The following LRIF1 variants were observed in gnomAD, a reference collection of about 807,000 sequenced individuals.
LRIF1 encodes the protein ligand dependent nuclear receptor interacting factor 1.
A neutral mutation model predicts 52.7 loss-of-function variants in LRIF1; 32 were observed. The observed-to-expected ratio is 0.61, with a 90% CI of 0.46 to 0.82. The LOEUF is 0.82. LRIF1 is among the 40% of genes least tolerant of loss of function. The probability of loss-of-function intolerance (pLI) is 0.00; values close to 1 mark genes in which losing one functional copy is unlikely to be tolerated. For missense variants in LRIF1, 887 were observed against 892.0 expected (o/e 0.99, Z 0.07); for synonymous variants, 323 against 317.4 (o/e 1.02, Z -0.19).
chr1:110,955,930 C>T (rs915460994), intron 1 of LRIF1, among the ~76,000 whole-genome samples: 3 of 152,180 alleles, frequency 2.0e-5, no homozygotes, highest in Non-Finnish European at 1.5e-5. Flanking sequence ...ACCAGAGAGA[C>T]AGGTGGAGGG....
chr1:110,938,200 C>T, the LRIF1 span: 1 of 152,168 alleles, frequency 6.6e-6, no homozygotes, highest in Non-Finnish European at 1.5e-5. Context: ...TACTTCCAAA[C>T]TCATTCTATG....
the LRIF1 span, among the ~76,000 whole-genome samples, chr1:110,885,177 T>A: frequency 1.8e-4 from 28 of 152,328 alleles, no homozygotes; most frequent in African/African-American, 5.3e-4. Flanking sequence ...ACACTATTAT[T>A]ATCATAAAGT....
chr1:110,940,090 A>C, the LRIF1 span: 1 of 152,226 alleles, frequency 6.6e-6, no homozygotes, highest in Non-Finnish European at 1.5e-5. Flanking sequence ...TACCCATCTG[A>C]CAAGGGATTA....
At chr1:110,957,099 T>C (rs1658730147) in intron 1 of LRIF1, among the ~76,000 whole-genome samples, 1 of 152,022 alleles carries the variant, frequency 6.6e-6, no homozygotes, top group Admixed American at 6.6e-5. Context: ...ATTCTAAGCA[T>C]TCTCCTTTAA....
chr1:110,895,022 C>T, the LRIF1 span: 2 of 1,613,912 alleles, frequency 1.2e-6, no homozygotes, highest in Non-Finnish European at 1.7e-6. Flanking sequence ...CAGACAATAG[C>T]ACCAAGGCAG....
downstream of LRIF1, among the ~76,000 whole-genome samples, chr1:110,942,695 A>G (rs990846252): frequency 9.2e-5 from 14 of 152,114 alleles, no homozygotes; most frequent in Admixed American, 7.9e-4. Context: ...GTGGACTCCA[A>G]AGGATTTCCA....
chr1:110,945,362 TTAATA>T (rs1658180836), downstream of LRIF1, among the ~76,000 whole-genome samples: 1 of 152,116 alleles, frequency 6.6e-6, no homozygotes, highest in Admixed American at 6.6e-5. Flanking sequence ...TTTTCAATTT[TTAATA>T]TTTCACTTGC....
chr1:110,947,769 A>G lies in LRIF1; in HGVS notation c.*190T>C. ...AGGTATCTAAGACAAAGGTATAGAT[A>G]CCCCATGTAAATTATTCACAAGTCA... On this transcript the variant is annotated 3_prime_UTR_variant, in exon 4 of 4. Coordinates refer to ENST00000369763, the MANE Select transcript of LRIF1 (RefSeq NM_018372.4). 1 of 603,378 alleles carries G rather than the reference A, an allele frequency of 1.7e-6. No individual in the cohort carries two copies. Among genetic ancestry groups the G allele is most frequent in the Non-Finnish European group, 2.6e-6 (1 of 388,950 alleles). 37.4% of individuals were successfully genotyped at this position (603,378 alleles called of 1,614,324 possible). A position where few individuals can be genotyped will look rare whatever the true frequency, so the allele number is the denominator to read the frequency against.
At chr1:110,910,428 G>A in the LRIF1 span, among the ~76,000 whole-genome samples, 24 of 151,922 alleles carry the variant, frequency 1.6e-4, no homozygotes, top group Non-Finnish European at 2.9e-4. Flanking sequence ...GTGAAACCCC[G>A]TCTCTACTAA....
the LRIF1 span, among the ~76,000 whole-genome samples, chr1:110,890,751 T>C: frequency 3.9e-5 from 6 of 152,232 alleles, no homozygotes; most frequent in Non-Finnish European, 1.5e-5. Flanking sequence ...TACTTCCCCA[T>C]TGCATATTTG....
chr1:110,942,878 G>C (rs1257918781), downstream of LRIF1, among the ~76,000 whole-genome samples: 1 of 152,034 alleles, frequency 6.6e-6, no homozygotes, highest in Non-Finnish European at 1.5e-5. Context: ...TACAATTTTG[G>C]AGTCAAAAGA....
At chr1:110,892,616 T>G in the LRIF1 span, 2 of 1,103,452 alleles carry the variant, frequency 1.8e-6, no homozygotes, top group South Asian at 1.4e-5. Flanking sequence ...GGTAGATCAC[T>G]TATAGGCACA....
the LRIF1 span, chr1:110,880,195 G>T: frequency 3.3e-5 from 5 of 151,840 alleles, no homozygotes; most frequent in African/African-American, 1.2e-4. Context: ...GAGGGGTGTC[G>T]GTTCCTCTAG....
chr1:110,895,192 A>G, the LRIF1 span: 1 of 657,674 alleles, frequency 1.5e-6, no homozygotes, highest in South Asian at 1.7e-5. Flanking sequence ...TGCCTTGGCT[A>G]TCACAAACAT....
chr1:110,956,116 G>A (rs1265247895), intron 1 of LRIF1, among the ~76,000 whole-genome samples: 1 of 152,160 alleles, frequency 6.6e-6, no homozygotes, highest in African/African-American at 2.4e-5. Flanking sequence ...CTAAAAGTAA[G>A]AGCAAAAATA....
chr1:110,931,624 C>T, the LRIF1 span, among the ~76,000 whole-genome samples: 8,750 of 152,260 alleles, frequency 0.057, 295 homozygotes, highest in East Asian at 0.13. Flanking sequence ...GTTCCTATTT[C>T]TCCACATCCT....
the LRIF1 span, among the ~76,000 whole-genome samples, chr1:110,900,470 G>A: frequency 2.6e-5 from 4 of 152,096 alleles, no homozygotes; most frequent in African/African-American, 4.8e-5. Context: ...AAGTTCAAGC[G>A]ATTCTCCTGC....
the LRIF1 span, among the ~76,000 whole-genome samples, chr1:110,892,175 G>T: frequency 6.6e-6 from 1 of 152,180 alleles, no homozygotes; most frequent in Non-Finnish European, 1.5e-5. Context: ...AGAAAGCTGA[G>T]ATTGCCTCTC....
At chr1:110,954,921 C>T (rs1658634862) in intron 1 of LRIF1, among the ~76,000 whole-genome samples, 2 of 152,150 alleles carry the variant, frequency 1.3e-5, no homozygotes, top group African/African-American at 4.8e-5. Flanking sequence ...AGAAAGAATC[C>T]TTCTCTTCCT....
Sources: gnomAD v4.1 joint callset for allele counts (sites outside exome capture counted in the v4.1 genomes callset) on GRCh38, gnomAD v4.1.1 for gene constraint, MANE v1.5 for transcripts, NCBI Gene and HGNC (gene_info 2026-07-23, HGNC 2026-07-21) for gene names.